Variants in TENM2 observed in about 807,000 individuals in gnomAD.
TENM2 encodes teneurin-2.
TENM2 carries 52 observed loss-of-function variants against 245.2 expected under a neutral mutation model. That is an observed-to-expected ratio of 0.21 (90% CI 0.17 to 0.27). The LOEUF (loss-of-function observed/expected upper bound fraction) is 0.27. TENM2 is among the 10% of genes least tolerant of loss of function. The probability of loss-of-function intolerance (pLI) is 1.00; values close to 1 mark genes in which losing one functional copy is unlikely to be tolerated. For synonymous variants in TENM2, 1,363 were observed against 1,438.9 expected (o/e 0.95, Z 1.19); for missense variants, 3,046 against 3,666.8 (o/e 0.83, Z 4.37).
At chr5:168,061,959 A>T in intron 6 of TENM2, 101 bp from the exon 9 acceptor site, 1 of 1,085,630 alleles carries the variant, frequency 9.2e-7, no homozygotes, top group Non-Finnish European at 1.3e-6. Context: ...CTTAATATTA[A>T]AACAACAACA....
the TENM2 span, among the ~76,000 whole-genome samples, chr5:167,005,655 G>GTTTTTT: frequency 2.5e-4 from 13 of 52,972 alleles, no homozygotes; most frequent in Non-Finnish European, 2.8e-4. Flanking sequence ...CTGTGTGTGG[G>GTTTTTT]TTTTTTTTTT....
intron 2 of TENM2, among the ~76,000 whole-genome samples, chr5:167,597,420 G>T (rs999761387): frequency 6.6e-6 from 1 of 152,118 alleles, no homozygotes; most frequent in African/African-American, 2.4e-5. Flanking sequence ...GGCCTCAAGT[G>T]ATCTGCCTGC....
At chr5:167,047,941 A>G in the TENM2 span, among the ~76,000 whole-genome samples, 441 of 129,826 alleles carry the variant, frequency 3.4e-3, 3 homozygotes, top group African/African-American at 0.014. Context: ...AGACAGAAGA[A>G]AGGCCCTATA....
chr5:167,276,384 G>A, the TENM2 span, among the ~76,000 whole-genome samples: 587 of 151,420 alleles, frequency 3.9e-3, 1 homozygote, highest in Non-Finnish European at 6.4e-3. Flanking sequence ...GTGTGTGTGT[G>A]TGTGTGTGTG....
At chr5:167,581,841 G>T (rs1241119473) in intron 2 of TENM2, among the ~76,000 whole-genome samples, 1 of 151,570 alleles carries the variant, frequency 6.6e-6, no homozygotes, top group African/African-American at 2.4e-5. Flanking sequence ...AGGAGTTTAT[G>T]ATCTAATCTG....
chr5:167,251,263 G>A, the TENM2 span, among the ~76,000 whole-genome samples: 7 of 151,998 alleles, frequency 4.6e-5, no homozygotes, highest in Non-Finnish European at 4.4e-5. Context: ...CAGCTGAGGG[G>A]CCTCTTTGGT....
chr5:167,609,333 C>A (rs1777283296), intron 2 of TENM2, among the ~76,000 whole-genome samples: 1 of 151,954 alleles, frequency 6.6e-6, no homozygotes, highest in Non-Finnish European at 1.5e-5. Flanking sequence ...ACTTGGATAT[C>A]CAATCAAAAG....
chr5:167,633,700 T>C (rs1779016054), intron 2 of TENM2, among the ~76,000 whole-genome samples: 1 of 152,156 alleles, frequency 6.6e-6, no homozygotes, highest in South Asian at 2.1e-4. Context: ...TTTCTTTTTT[T>C]CCTTCCATCT....
intron 2 of TENM2, among the ~76,000 whole-genome samples, chr5:167,802,688 C>T (rs1288260224): frequency 6.6e-6 from 1 of 152,122 alleles, no homozygotes; most frequent in Non-Finnish European, 1.5e-5. Flanking sequence ...GGGCAGTGTA[C>T]ATATTTCTTT....
the TENM2 span, among the ~76,000 whole-genome samples, chr5:167,205,521 T>C: frequency 6.6e-6 from 1 of 152,240 alleles, no homozygotes; most frequent in Non-Finnish European, 1.5e-5. Flanking sequence ...CCTGTATATA[T>C]ACTCTTCATT....
At chr5:168,121,960 A>G (rs567906612) in intron 10 of TENM2, among the ~76,000 whole-genome samples, 8 of 152,230 alleles carry the variant, frequency 5.3e-5, no homozygotes, top group Non-Finnish European at 1.0e-4. Context: ...ATCCCCAAAT[A>G]CGATTTTTTT....
At chr5:168,097,532 T>G (rs1309729948) in intron 8 of TENM2, among the ~76,000 whole-genome samples, 1 of 152,074 alleles carries the variant, frequency 6.6e-6, no homozygotes, top group African/African-American at 2.4e-5. Context: ...TCAAGCTATT[T>G]TCCTGCCTCA....
At chr5:167,775,706 G>A (rs1222611447) in intron 2 of TENM2, among the ~76,000 whole-genome samples, 2 of 151,930 alleles carry the variant, frequency 1.3e-5, no homozygotes, top group Non-Finnish European at 1.5e-5. Context: ...AAATAAACAA[G>A]ACATGGTCCC....
chr5:167,421,676 C>G (rs1763514400), intron 2 of TENM2, among the ~76,000 whole-genome samples: 1 of 152,190 alleles, frequency 6.6e-6, no homozygotes, highest in Non-Finnish European at 1.5e-5. Context: ...TAAACCTCAG[C>G]ATCCTTACCT....
At chr5:167,744,597 T>G (rs916597851) in intron 2 of TENM2, among the ~76,000 whole-genome samples, 1 of 152,104 alleles carries the variant, frequency 6.6e-6, no homozygotes, top group African/African-American at 2.4e-5. Context: ...TCTGGACACG[T>G]TTTTATTTGG....
intron 4 of TENM2, among the ~76,000 whole-genome samples, chr5:167,961,899 C>T (rs753663525): frequency 6.6e-6 from 1 of 152,198 alleles, no homozygotes; most frequent in Non-Finnish European, 1.5e-5. Flanking sequence ...GTTACATTTA[C>T]AGGACCAGAT....
upstream of TENM2, among the ~76,000 whole-genome samples, chr5:167,281,532 T>C (rs1014156023): frequency 5.9e-5 from 9 of 152,110 alleles, no homozygotes; most frequent in African/African-American, 1.9e-4. Context: ...TTTGTGAATT[T>C]TTATCTCATT....
At chr5:167,323,704 A>G (rs977462839) in intron 1 of TENM2, among the ~76,000 whole-genome samples, 1 of 152,228 alleles carries the variant, frequency 6.6e-6, no homozygotes, top group Non-Finnish European at 1.5e-5. Context: ...TTAAAATTTC[A>G]TAAAAATATA....
At chr5:167,790,530 C>T (rs1270463007) in intron 2 of TENM2, among the ~76,000 whole-genome samples, 2 of 152,122 alleles carry the variant, frequency 1.3e-5, no homozygotes, top group South Asian at 2.1e-4. Flanking sequence ...TTCAGATAGT[C>T]CATGCCGAAA....
Sources: allele counts gnomAD v4.1 joint callset (sites outside exome capture counted in the v4.1 genomes callset), GRCh38; gene constraint gnomAD v4.1.1; transcripts MANE v1.5; gene names NCBI Gene and HGNC (gene_info 2026-07-23, HGNC 2026-07-21).